The following ELOVL2 variants were observed in gnomAD, a reference collection of about 807,000 sequenced individuals.
The protein encoded by ELOVL2 is very long chain fatty acid elongase 2.
A neutral mutation model predicts 37.7 loss-of-function variants in ELOVL2; 38 were observed. The observed-to-expected ratio is 1.01, with a 90% CI of 0.78 to 1.32. The LOEUF (loss-of-function observed/expected upper bound fraction) is 1.32, where lower values mean the gene tolerates loss of function less well. Ranked by LOEUF, ELOVL2 falls within the 40% of genes most tolerant of loss-of-function variation. ELOVL2 has a pLI of 0.00. For synonymous variants in ELOVL2, 115 were observed against 122.3 expected (o/e 0.94, Z 0.40); for missense variants, 352 against 363.6 (o/e 0.97, Z 0.26).
At chr6:11,035,795 C>T (rs1782996627) in intron 1 of ELOVL2, among the ~76,000 whole-genome samples, 1 of 152,166 alleles carries the variant, frequency 6.6e-6, no homozygotes, top group Non-Finnish European at 1.5e-5. Context: ...CTGGAAGAGA[C>T]AAAAGAATCT....
intron 1 of ELOVL2, among the ~76,000 whole-genome samples, chr6:11,029,969 T>A (rs1581880430): frequency 6.6e-6 from 1 of 152,212 alleles, no homozygotes; most frequent in South Asian, 2.1e-4. Context: ...GGAATGGCAG[T>A]ACCAACTCCC....
At chr6:10,991,467 TATA>T (rs745418509) in intron 5 of ELOVL2, among the ~76,000 whole-genome samples, 3 of 152,164 alleles carry the variant, frequency 2.0e-5, no homozygotes, top group South Asian at 2.1e-4. Context: ...GGAAAATAGG[TATA>T]ATAATAATAA....
intron 5 of ELOVL2, among the ~76,000 whole-genome samples, chr6:10,993,455 A>G (rs538263777): frequency 6.6e-6 from 1 of 152,372 alleles, no homozygotes; most frequent in Non-Finnish European, 1.5e-5. Context: ...CCACATTTTC[A>G]TATACAAGTG....
intron 7 of ELOVL2, among the ~76,000 whole-genome samples, chr6:10,987,114 T>G (rs1256025449): frequency 6.6e-6 from 1 of 152,228 alleles, no homozygotes; most frequent in Non-Finnish European, 1.5e-5. Flanking sequence ...CCATTTCTTC[T>G]AGATTTTCCA....
At chr6:10,984,943 T>G (rs191214691) in intron 7 of ELOVL2, among the ~76,000 whole-genome samples, 2 of 152,150 alleles carry the variant, frequency 1.3e-5, no homozygotes, top group African/African-American at 4.8e-5. Context: ...CACACTGACT[T>G]CCACAAGGGT....
chr6:11,030,826 G>C (rs1041327562), intron 1 of ELOVL2, among the ~76,000 whole-genome samples: 7 of 152,030 alleles, frequency 4.6e-5, no homozygotes, highest in South Asian at 2.1e-4. Context: ...AAATAAACAC[G>C]TACTGGGCAC....
intron 1 of ELOVL2, among the ~76,000 whole-genome samples, chr6:11,034,602 A>C (rs76913231): frequency 6.6e-6 from 1 of 150,924 alleles, no homozygotes; most frequent in Admixed American, 6.6e-5. Flanking sequence ...AGAATCACTC[A>C]AACTCAGGAG....
chr6:10,992,322 T>TGAA (rs930806936), intron 5 of ELOVL2, among the ~76,000 whole-genome samples: 11 of 152,238 alleles, frequency 7.2e-5, no homozygotes, highest in African/African-American at 2.7e-4. Context: ...TCATTTTGAC[T>TGAA]GAAGTTTTAC....
chr6:11,013,763 G>C (rs1782623402), intron 1 of ELOVL2, among the ~76,000 whole-genome samples: 1 of 151,502 alleles, frequency 6.6e-6, no homozygotes, highest in Admixed American at 6.6e-5. Context: ...GGGTGGATGA[G>C]AAGGGAACAG....
intron 7 of ELOVL2, among the ~76,000 whole-genome samples, chr6:10,984,351 ATATAT>A (rs1295396127): frequency 6.6e-6 from 1 of 151,918 alleles, no homozygotes; most frequent in South Asian, 2.1e-4. Context: ...TTTCATGTTT[ATATAT>A]TATATTTTTT....
Position 10,983,601 on chromosome 6 carries a change from T to C in ELOVL2, c.*180A>G. On this transcript the variant is annotated 3_prime_UTR_variant, in exon 8 of 8. Transcript: ENST00000354666. ...GAGGTGAGCATCACCTCAATGCTGA[T>C]CAAAGCATTCAGTTAACAGATTAAC... 1 of 660,166 alleles carries C rather than the reference T, an allele frequency of 1.5e-6. No homozygotes were observed. Among genetic ancestry groups the C allele is most frequent in the South Asian group, 2.3e-5 (1 of 43,154 alleles). 40.9% of individuals were successfully genotyped at this position (660,166 alleles called of 1,614,324 possible). A position where few individuals can be genotyped will look rare whatever the true frequency, so the allele number is the denominator to read the frequency against.
chr6:11,011,874 C>A (rs1055112440), intron 1 of ELOVL2, among the ~76,000 whole-genome samples: 3 of 152,150 alleles, frequency 2.0e-5, no homozygotes, highest in Non-Finnish European at 4.4e-5. Flanking sequence ...GAGGAGAAGT[C>A]AGAACATTAC....
At chr6:11,020,638 A>G (rs1242189095) in intron 1 of ELOVL2, among the ~76,000 whole-genome samples, 1 of 152,174 alleles carries the variant, frequency 6.6e-6, no homozygotes, top group Non-Finnish European at 1.5e-5. Flanking sequence ...CCAACCCCAC[A>G]GTAAGAGAAG....
intron 5 of ELOVL2, among the ~76,000 whole-genome samples, chr6:10,994,468 C>CAAA (rs1297408324): frequency 2.0e-5 from 1 of 51,112 alleles, no homozygotes; most frequent in Non-Finnish European, 3.7e-5. Context: ...AATTCCATCT[C>CAAA]AAAAAAAAAA....
At chr6:11,037,539 T>TAA (rs35799154) in intron 1 of ELOVL2, among the ~76,000 whole-genome samples, 1 of 138,994 alleles carries the variant, frequency 7.2e-6, no homozygotes, top group Admixed American at 7.1e-5. Context: ...CTCGTTCTAC[T>TAA]AAAAAAAAAA....
chr6:11,023,555 G>A lies in ELOVL2; in HGVS notation c.4-12746C>T, dbSNP rs567241247. 2.6e-5 allele frequency among the ~76,000 whole-genome samples: 4 copies of A among 152,224 alleles called. No homozygotes were observed. The East Asian group carries it at 7.7e-4, about 29-fold the overall frequency. On this transcript the variant is annotated intron_variant, in intron 1 of 7. Coordinates refer to ENST00000354666, the MANE Select transcript of ELOVL2 (RefSeq NM_017770.4). The stretch of plus-strand genomic sequence containing the variant: ...GGATTATTATTTTACTGTTAATACT[G>A]AGCAAGAGACAATCTGTGAGTCATC...
At chr6:11,024,496 A>T (rs1782812525) in intron 1 of ELOVL2, among the ~76,000 whole-genome samples, 1 of 152,234 alleles carries the variant, frequency 6.6e-6, no homozygotes, top group Non-Finnish European at 1.5e-5. Flanking sequence ...GTATTACAGG[A>T]CAAAACTATG....
rs761592319 is a variant in ELOVL2 at position 11,033,708 on chromosome 6, G to A, written c.3+10520C>T. Among the ~76,000 whole-genome samples, 13 of 152,092 alleles carry A rather than the reference G, an allele frequency of 8.5e-5. No individual in the cohort carries two copies. In the South Asian group the frequency reaches 1.0e-3, roughly 12 times the overall value. On this transcript the variant is annotated intron_variant, in intron 1 of 7. Coordinates refer to ENST00000354666, the MANE Select transcript of ELOVL2 (RefSeq NM_017770.4). Reference sequence around the variant, plus strand: ...CTGATTAATAAAACTCATGTAACCCGAAGAGGAAGAAACAAAAATCAGAGA... The same window carrying A: ...CTGATTAATAAAACTCATGTAACCCAAAGAGGAAGAAACAAAAATCAGAGA...
chr6:11,016,590 C>G (rs1782689137), intron 1 of ELOVL2, among the ~76,000 whole-genome samples: 1 of 152,186 alleles, frequency 6.6e-6, no homozygotes, highest in Non-Finnish European at 1.5e-5. Context: ...AAGGTCAAGG[C>G]TGAGCTGTAC....
Sources: gnomAD v4.1 joint callset for allele counts (sites outside exome capture counted in the v4.1 genomes callset) on GRCh38, gnomAD v4.1.1 for gene constraint, MANE v1.5 for transcripts, NCBI Gene and HGNC (gene_info 2026-07-23, HGNC 2026-07-21) for gene names.